Variants in TRAP1 observed in about 807,000 individuals in gnomAD.
TRAP1 encodes TNF receptor associated protein 1, also known as heat shock protein 75 kDa, mitochondrial.
A neutral mutation model predicts 89.1 loss-of-function variants in TRAP1; 102 were observed. The observed-to-expected ratio is 1.15, with a 90% CI of 0.98 to 1.35. The LOEUF (loss-of-function observed/expected upper bound fraction) is 1.35, where lower values mean the gene tolerates loss of function less well. Among genes scored for constraint, TRAP1 ranks in the 40% most tolerant of loss-of-function variants. TRAP1 has a pLI of 0.00. For synonymous variants in TRAP1, 508 were observed against 388.0 expected (o/e 1.31, Z -3.64); for missense variants, 1,256 against 945.3 (o/e 1.33, Z -4.31).
At chr16:3,707,279 G>A (rs571651662) in intron 1 of TRAP1, among the ~76,000 whole-genome samples, 23 of 146,270 alleles carry the variant, frequency 1.6e-4, no homozygotes, top group South Asian at 4.4e-4. Context: ...TCCGCCTCCC[G>A]GGTTCACACC....
At chr16:3,668,891 T>C (rs763135482) in intron 11 of TRAP1, among the ~76,000 whole-genome samples, 11 of 152,168 alleles carry the variant, frequency 7.2e-5, no homozygotes, top group Non-Finnish European at 1.2e-4. Context: ...AGGAAACACA[T>C]TCAGGATGGG....
intron 1 of TRAP1, among the ~76,000 whole-genome samples, chr16:3,700,575 C>T (rs1024634492): frequency 7.9e-5 from 12 of 152,126 alleles, no homozygotes; most frequent in African/African-American, 2.4e-4. Context: ...AAGCCATTCT[C>T]GGGCCTCAGC....
chr16:3,694,804 CAGG>C (rs1057075114), intron 1 of TRAP1, among the ~76,000 whole-genome samples: 2 of 152,148 alleles, frequency 1.3e-5, no homozygotes, highest in African/African-American at 4.8e-5. Flanking sequence ...TGGTTACCTA[CAGG>C]AGGTGTGTAT....
rs373908691 is a variant in TRAP1 at position 3,711,903 on chromosome 16, A to G, written c.88+5518T>C. ...TCTAGCTGGCTACACTTGAGGCACC[A>G]AAAACGCCATCCATGAACATTCTCT... On this transcript the variant is annotated intron_variant, in intron 1 of 17. Coordinates refer to ENST00000246957, the MANE Select transcript of TRAP1 (RefSeq NM_016292.3). Among the ~76,000 whole-genome samples, 9 of 152,326 alleles carry G rather than the reference A, an allele frequency of 5.9e-5. No homozygotes were observed. The South Asian group carries it at 1.9e-3, about 32-fold the overall frequency.
intron 1 of TRAP1, among the ~76,000 whole-genome samples, chr16:3,709,402 T>A (rs1273917253): frequency 6.6e-6 from 1 of 152,122 alleles, no homozygotes; most frequent in East Asian, 1.9e-4. Flanking sequence ...TTGACAGATG[T>A]TTTAAATACT....
At chr16:3,682,671 G>C (rs964651291) in intron 4 of TRAP1, among the ~76,000 whole-genome samples, 6 of 152,076 alleles carry the variant, frequency 3.9e-5, no homozygotes, top group Non-Finnish European at 7.4e-5. Context: ...AGGATTACAG[G>C]CGTGAGCCAC....
intron 1 of TRAP1, among the ~76,000 whole-genome samples, chr16:3,714,227 T>A (rs2051568484): frequency 6.6e-6 from 1 of 152,182 alleles, no homozygotes; most frequent in African/African-American, 2.4e-5. Flanking sequence ...AGCAGCCACC[T>A]ATGACTCCAG....
At position 3,707,244 on chromosome 16, in the gene TRAP1, G is replaced by A. The variant is rs549905745; in HGVS notation, c.88+10177C>T. Among the ~76,000 whole-genome samples the A allele has an allele frequency of 4.7e-3, 688 of 144,862 alleles. 4 individuals carry two copies. The highest frequency in any genetic ancestry group is 0.017 in the African/African-American group (660 of 38,700). ...TCTGTCGCCCAGGCTGGAGTGCAGT[G>A]GCGGGATCTCGGCTCACTGCAAGCT... On this transcript the variant is annotated intron_variant, in intron 1 of 17. Coordinates refer to ENST00000246957, the MANE Select transcript of TRAP1 (RefSeq NM_016292.3).
chr16:3,706,616 C>T (rs563226535), intron 1 of TRAP1, among the ~76,000 whole-genome samples: 1 of 152,092 alleles, frequency 6.6e-6, no homozygotes, highest in East Asian at 1.9e-4. Flanking sequence ...TGTGCCACCA[C>T]ACCCAGCAAT....
At chr16:3,711,923 TTC>T (rs1171359333) in intron 1 of TRAP1, among the ~76,000 whole-genome samples, 10 of 152,196 alleles carry the variant, frequency 6.6e-5, no homozygotes, top group African/African-American at 2.4e-4. Context: ...TCCATGAACA[TTC>T]TCTGGCTTTG....
chr16:3,677,488 C>T lies in TRAP1; in HGVS notation c.704+10G>A, dbSNP rs767337650. On this transcript the variant is annotated intron_variant, in intron 6 of 17. Coordinates refer to ENST00000246957, the MANE Select transcript of TRAP1 (RefSeq NM_016292.3). Reference sequence around the variant, plus strand: ...TTTGAGCTGCCTGTCAGGCGACATTCGTCACTCACCCATCTGAAAGCCACT... The same window carrying T: ...TTTGAGCTGCCTGTCAGGCGACATTTGTCACTCACCCATCTGAAAGCCACT... The T allele has an allele frequency of 1.5e-5, 24 of 1,614,064 alleles. No homozygotes were observed. The highest frequency in any genetic ancestry group is 1.1e-4 in the African/African-American group (8 of 74,948).
At chr16:3,659,488 A>G (rs1398312338) in intron 16 of TRAP1, 1 of 152,222 alleles carries the variant, frequency 6.6e-6, no homozygotes, top group South Asian at 2.1e-4. Context: ...ACCACAAACC[A>G]AAAAGTAAAG....
rs1346115445 is a variant in TRAP1 at position 3,658,829 on chromosome 16, T to C, written c.1977A>G (p.Ala659=). 2 of 1,613,992 alleles carry C rather than the reference T, an allele frequency of 1.2e-6. No individual in the cohort carries two copies. The highest frequency in any genetic ancestry group is 8.5e-7 in the Non-Finnish European group (1 of 1,180,002). Residue 659 remains alanine (A), a synonymous_variant, in exon 17 of 18, where the codon GCA becomes GCG. Coordinates refer to ENST00000246957, the MANE Select transcript of TRAP1 (RefSeq NM_016292.3). Reference sequence around the variant, plus strand: ...GCAGCTGAGCCAGGCCAGGCTCGCTTGCGCGCAGCTGATTCAGCTTCTTGA... The same window carrying C: ...GCAGCTGAGCCAGGCCAGGCTCGCTCGCGCGCAGCTGATTCAGCTTCTTGA... The part of the protein sequence containing the change: ...ALIKKLNQLR[A]SEPGLAQLLV...
At chr16:3,690,626 G>T (rs1399004443) in intron 2 of TRAP1, among the ~76,000 whole-genome samples, 1 of 152,188 alleles carries the variant, frequency 6.6e-6, no homozygotes, top group South Asian at 2.1e-4. Flanking sequence ...GCCACCAGAG[G>T]GGGCAAGACA....
chr16:3,675,703 G>A (rs1177109823), intron 7 of TRAP1, among the ~76,000 whole-genome samples: 1 of 152,210 alleles, frequency 6.6e-6, no homozygotes, highest in African/African-American at 2.4e-5. Flanking sequence ...GCCTCCCTGA[G>A]TGTCCAGCAG....
chr16:3,716,571 G>C (rs766588996), intron 1 of TRAP1, among the ~76,000 whole-genome samples: 2 of 152,220 alleles, frequency 1.3e-5, no homozygotes, highest in African/African-American at 4.8e-5. Flanking sequence ...AGAATGCTGG[G>C]AGCGTTAAAA....
chr16:3,691,890 TGAGA>T (rs1213093324), intron 1 of TRAP1, among the ~76,000 whole-genome samples: 1 of 152,170 alleles, frequency 6.6e-6, no homozygotes, highest in Non-Finnish European at 1.5e-5. Context: ...TCCAGTGGGC[TGAGA>T]AAGTTGCCGG....
chr16:3,677,351 T>A, intron 6 of TRAP1, 147 bp downstream of exon 6: 1 of 1,121,184 alleles, frequency 8.9e-7, no homozygotes, highest in Non-Finnish European at 1.3e-6. Context: ...CAAAAGTCAC[T>A]AACTCCCCAA....
At chr16:3,665,943 A>C in intron 12 of TRAP1, 28 bp downstream of exon 12, 1 of 1,596,320 alleles carries the variant, frequency 6.3e-7, no homozygotes, top group Non-Finnish European at 8.5e-7. Flanking sequence ...GGTGGCCCAG[A>C]AAAAGGCCTG....
Sources: gnomAD v4.1 joint callset for allele counts (sites outside exome capture counted in the v4.1 genomes callset) on GRCh38, gnomAD v4.1.1 for gene constraint, MANE v1.5 for transcripts, NCBI Gene and HGNC (gene_info 2026-07-23, HGNC 2026-07-21) for gene names.